NEUROG2: variants seen among roughly 807,000 people sequenced by gnomAD.
The protein encoded by NEUROG2 is neurogenin-2.
Under a neutral mutation model 2.8 loss-of-function variants are expected in NEUROG2, and 1 was observed. The observed-to-expected ratio is 0.36, with a 90% CI of 0.13 to 1.71. The LOEUF is 1.71. NEUROG2 is among the 40% of genes most tolerant of loss of function. The probability of loss-of-function intolerance (pLI) is 0.34; values close to 1 mark genes in which losing one functional copy is unlikely to be tolerated. For synonymous variants in NEUROG2, 211 were observed against 187.7 expected, an observed-to-expected ratio of 1.12 and a Z score of -1.01; for missense variants, 397 against 392.7, an observed-to-expected ratio of 1.01 and a Z score of -0.09.
rs1243772806 is a variant in NEUROG2 at position 112,514,781 on chromosome 4, G to A, written c.695C>T (p.Ser232Phe). Reference sequence around the variant, plus strand: ...GGGCGATAAAGTGCAGCTGTAGGGGGAGGTGGAATTGGAGGACACGGAGGA... The same window carrying A: ...GGGCGATAAAGTGCAGCTGTAGGGGAAGGTGGAATTGGAGGACACGGAGGA... ...PSSSVSSNSTSPYSCTLSPAS... is the reference protein window; with the variant it reads ...PSSSVSSNSTFPYSCTLSPAS... Residue 232 changes from serine (S) to phenylalanine (F), a missense_variant, in exon 2 of 2, where the codon TCC (serine) becomes TTC (phenylalanine). Coordinates refer to ENST00000313341, the MANE Select transcript of NEUROG2 (RefSeq NM_024019.4). The A allele has an allele frequency of 1.3e-6, 2 of 1,550,400 alleles. No individual in the cohort carries two copies. Among genetic ancestry groups the A allele is most frequent in the East Asian group, 4.5e-5 (2 of 44,340 alleles).
Position 112,515,338 on chromosome 4 carries a change from G to GTAGTGTAGAT in NEUROG2, c.137_138insATCTACACTA (p.Ala47SerfsTer15). ...GCTGCCGACGCGCCCCGCCTGACGC[G>GTAGTGTAGAT]CCCGGCTCCTCCTCCTCTTCTTCGT... On this transcript the variant is annotated frameshift_variant, in exon 2 of 2. Transcript: ENST00000313341. LOFTEE classifies it low-confidence loss of function (END_TRUNC). 1 of 1,446,036 alleles carries GTAGTGTAGAT rather than the reference G, an allele frequency of 6.9e-7. No individual in the cohort carries two copies. Among genetic ancestry groups the GTAGTGTAGAT allele is most frequent in the Non-Finnish European group, 9.1e-7 (1 of 1,103,242 alleles). 89.6% of individuals were successfully genotyped at this position (1,446,036 alleles called of 1,614,324 possible).
Position 112,515,179 on chromosome 4 carries a change from G to T in NEUROG2, c.297C>A (p.Gly99=). The change falls in exon 2 of 2, where the codon GGC becomes GGA. Residue 99 remains glycine, a synonymous_variant. Transcript: ENST00000313341. The stretch of plus-strand genomic sequence containing the variant: ...GCTGCACCGTCTCGGCCGTCTTGGC[G>T]CCTCGGGAGACGGCCCGCGCCCGGG... ...RPSRARAVSR[G]AKTAETVQRI... 1 of 1,612,558 alleles carries T rather than the reference G, an allele frequency of 6.2e-7. No individual in the cohort carries two copies.
Position 112,515,334 on chromosome 4 carries a change from A to AT in NEUROG2, c.141_142insA (p.Ser48IlefsTer11). 3 of 1,436,416 alleles carry AT rather than the reference A, an allele frequency of 2.1e-6. No individual in the cohort carries two copies. Among genetic ancestry groups the AT allele is most frequent in the South Asian group, 3.2e-5 (2 of 61,564 alleles). The allele number at this position is 1,436,416 out of a possible 1,614,324, so 89.0% of individuals were successfully genotyped here. ...CCGCGCTGCCGACGCGCCCCGCCTG[A>AT]CGCGCCCGGCTCCTCCTCCTCTTCT... On this transcript the variant is annotated frameshift_variant, in exon 2 of 2. Coordinates refer to ENST00000313341, the MANE Select transcript of NEUROG2 (RefSeq NM_024019.4). LOFTEE classifies it low-confidence loss of function (END_TRUNC).
At chr4:112,515,597 GGA>G in intron 1 of NEUROG2, 121 bp from the exon 2 acceptor site, 2 of 779,798 alleles carry the variant, frequency 2.6e-6, no homozygotes, top group Non-Finnish European at 3.7e-6. Context: ...CGAATGGCGC[GGA>G]GCAGGAAGGC....
rs1736395693 is a variant in NEUROG2 at position 112,514,919 on chromosome 4, A to T, written c.557T>A (p.Phe186Tyr). The T allele has an allele frequency of 6.2e-7, 1 of 1,606,380 alleles. No homozygotes were observed. The highest frequency in any genetic ancestry group is 2.2e-5 in the East Asian group (1 of 44,690). Residue 186 changes from phenylalanine (F) to tyrosine (Y), a missense_variant, in exon 2 of 2, where the codon TTC (phenylalanine) becomes TAC (tyrosine). Phe to Tyr is a conservative substitution (Grantham distance 22). Coordinates refer to ENST00000313341, the MANE Select transcript of NEUROG2 (RefSeq NM_024019.4). ...GGGGGLPGAL[F>Y]SEAVLLSPGG... ...CGGGCTCAGCAACACTGCCTCGGAG[A>T]AGAGCGCCCCCGGCAGGCCCCCGCC...
At chr4:112,515,749 G>A in intron 1 of NEUROG2, 98 bp downstream of exon 1, 1 of 300,006 alleles carries the variant, frequency 3.3e-6, no homozygotes, top group South Asian at 7.1e-5. Flanking sequence ...CGGCCTCCGC[G>A]ACAAAGATTC....
In NEUROG2 at chr4:112,514,592, G is replaced by C; in HGVS notation, c.*65C>G. 1.5e-6 allele frequency: 2 copies of C among 1,340,624 alleles called. No homozygotes were observed. The highest frequency in any genetic ancestry group is 2.0e-6 in the Non-Finnish European group (2 of 1,004,924). The allele number at this position is 1,340,624 out of a possible 1,614,324, so 83.0% of individuals were successfully genotyped here. ...AAAGGAGGGGCAGGGGAAGGGAGGA[G>C]GGCTCGACTGGGGACAGGAAAGGGA... On this transcript the variant is annotated 3_prime_UTR_variant, in exon 2 of 2. Coordinates refer to ENST00000313341, the MANE Select transcript of NEUROG2 (RefSeq NM_024019.4).
In NEUROG2 at chr4:112,514,908, C is replaced by A; in HGVS notation, c.568G>T (p.Val190Leu). Residue 190 changes from valine to leucine, a missense_variant, in exon 2 of 2, where the codon GTG (valine) becomes TTG (leucine). Val to Leu is a conservative substitution (Grantham distance 32). Transcript: ENST00000313341. Reference sequence around the variant, plus strand: ...CTGGCTCCTCCCGGGCTCAGCAACACTGCCTCGGAGAAGAGCGCCCCCGGC... The same window carrying A: ...CTGGCTCCTCCCGGGCTCAGCAACAATGCCTCGGAGAAGAGCGCCCCCGGC... ...GLPGALFSEA[V>L]LLSPGGASAA... The A allele has an allele frequency of 6.2e-7, 1 of 1,605,616 alleles. No individual in the cohort carries two copies.
Position 112,515,267 on chromosome 4 carries a change from C to T in NEUROG2, c.209G>A (p.Gly70Asp), listed in dbSNP as rs754902528. 2 of 1,532,674 alleles carry T rather than the reference C, an allele frequency of 1.3e-6. No homozygotes were observed. The highest frequency in any genetic ancestry group is 1.7e-6 in the Non-Finnish European group (2 of 1,149,414). 94.9% of individuals were successfully genotyped at this position (1,532,674 alleles called of 1,614,324 possible). The change falls in exon 2 of 2, where the codon GGT becomes GAT. Residue 70 changes from glycine to aspartate, a missense_variant. Coordinates refer to ENST00000313341, the MANE Select transcript of NEUROG2 (RefSeq NM_024019.4). ...GQGARGGVAA[G>D]AEGCRPARLL... is the part of the protein sequence containing the mutation. The stretch of plus-strand genomic sequence containing the variant: ...CCGTGCGGGCCGGCAGCCCTCCGCA[C>T]CCGCAGCCACGCCGCCCCGCGCCCC...
In NEUROG2 at chr4:112,515,380, C is replaced by A. The variant is rs756077626; in HGVS notation, c.96G>T (p.Pro32=). The change falls in exon 2 of 2, where the codon CCG becomes CCT. Residue 32 remains proline, a synonymous_variant. Transcript: ENST00000313341. ...CTTCTTCGTCGGCGCTGGATGACAGCGGGGTCAGGGCCGCCAAGGCGGGGG... is the reference window on the plus strand; with the variant it reads ...CTTCTTCGTCGGCGCTGGATGACAGAGGGGTCAGGGCCGCCAAGGCGGGGG... The part of the protein sequence containing the change: ...SASPALAALT[P]LSSSADEEEE... 2.0e-6 allele frequency: 3 copies of A among 1,520,344 alleles called. No homozygotes were observed. Among genetic ancestry groups the A allele is most frequent in the Non-Finnish European group, 2.6e-6 (3 of 1,143,410 alleles). 94.2% of individuals were successfully genotyped at this position (1,520,344 alleles called of 1,614,324 possible).
chr4:112,515,107 G>C lies in NEUROG2; in HGVS notation c.369C>G (p.Asn123Lys). 6.2e-7 allele frequency: 1 copy of C among 1,613,990 alleles called. No homozygotes were observed. The highest frequency in any genetic ancestry group is 8.5e-7 in the Non-Finnish European group (1 of 1,179,922). ...GTGCCGCGTTGAGGTTGTGCATGCG[G>C]TTTCGCTCGCGGTTGTTGGCCTTCA... Reference protein sequence around the residue: ...RRLKANNRERNRMHNLNAALD... With the variant: ...RRLKANNRERKRMHNLNAALD... The change falls in exon 2 of 2, where the codon AAC becomes AAG. Residue 123 changes from asparagine to lysine, a missense_variant. Coordinates refer to ENST00000313341, the MANE Select transcript of NEUROG2 (RefSeq NM_024019.4).
Position 112,515,092 on chromosome 4 carries a change from G to C in NEUROG2, c.384C>G (p.Leu128=). ...CGCGCAGCGCGTCCAGTGCCGCGTT[G>C]AGGTTGTGCATGCGGTTTCGCTCGC... is the stretch of plus-strand genomic sequence containing the variant. ...NNRERNRMHN[L]NAALDALREV... The change falls in exon 2 of 2, where the codon CTC becomes CTG. Residue 128 remains leucine (L), a synonymous_variant. Coordinates refer to ENST00000313341, the MANE Select transcript of NEUROG2 (RefSeq NM_024019.4). 1 of 1,614,022 alleles carries C rather than the reference G, an allele frequency of 6.2e-7. No homozygotes were observed. The highest frequency in any genetic ancestry group is 8.5e-7 in the Non-Finnish European group (1 of 1,179,936).
rs936706323 is a variant in NEUROG2 at position 112,516,033 on chromosome 4, G to C, written c.-188C>G. The C allele has an allele frequency of 6.5e-6, 1 of 154,158 alleles. No homozygotes were observed. Among genetic ancestry groups the C allele is most frequent in the African/African-American group, 2.4e-5 (1 of 41,456 alleles). The allele number at this position is 154,158 out of a possible 1,614,324, so 9.5% of individuals were successfully genotyped here. On this transcript the variant is annotated 5_prime_UTR_variant, in exon 1 of 2. Transcript: ENST00000313341. ...GTTTGCCAAGAGCCCCGGCGGCGGC[G>C]GCGGCGGCCCGCCCGGGTCTCGTGT...
At chr4:112,515,662 C>A in intron 1 of NEUROG2, 185 bp downstream of exon 1, 1 of 428,206 alleles carries the variant, frequency 2.3e-6, no homozygotes, top group Non-Finnish European at 4.0e-6. Context: ...CGCTAGCGCT[C>A]GCTGTGACCC....
In NEUROG2 at chr4:112,514,807, G is replaced by A. The variant is rs1357720357; in HGVS notation, c.669C>T (p.Ser223=). 6.4e-7 allele frequency: 1 copy of A among 1,568,346 alleles called. No individual in the cohort carries two copies. The change falls in exon 2 of 2, where the codon TCC becomes TCT. Residue 223 remains serine, a synonymous_variant. Transcript: ENST00000313341. ...AGGTGGAATTGGAGGACACGGAGGAGGACGGCGCGGGGCTGTTGGTGCAAC... is the reference window on the plus strand; with the variant it reads ...AGGTGGAATTGGAGGACACGGAGGAAGACGGCGCGGGGCTGTTGGTGCAAC... ...TWSCTNSPAP[S]SSVSSNSTSP...
At position 112,515,067 on chromosome 4, in the gene NEUROG2, C is replaced by G. The variant is rs936893535; in HGVS notation, c.409G>C (p.Glu137Gln). 6.8e-6 allele frequency: 11 copies of G among 1,614,022 alleles called. No individual in the cohort carries two copies. The highest frequency in any genetic ancestry group is 9.3e-6 in the Non-Finnish European group (11 of 1,179,924). ...NLNAALDALR[E>Q]VLPTFPEDAK... ...TCCTCGGGGAACGTGGGGAGCACCT[C>G]GCGCAGCGCGTCCAGTGCCGCGTTG... Residue 137 changes from glutamate to glutamine, a missense_variant, in exon 2 of 2, where the codon GAG (glutamate) becomes CAG (glutamine). Glu to Gln is a conservative substitution (Grantham distance 29). Coordinates refer to ENST00000313341, the MANE Select transcript of NEUROG2 (RefSeq NM_024019.4).
Position 112,515,019 on chromosome 4 carries a change from T to A in NEUROG2, c.457A>T (p.Thr153Ser). The A allele has an allele frequency of 6.2e-7, 1 of 1,613,608 alleles. No homozygotes were observed. Among genetic ancestry groups the A allele is most frequent in the Non-Finnish European group, 8.5e-7 (1 of 1,179,856 alleles). Residue 153 changes from threonine (T) to serine (S), a missense_variant, in exon 2 of 2, where the codon ACC (threonine) becomes TCC (serine). Coordinates refer to ENST00000313341, the MANE Select transcript of NEUROG2 (RefSeq NM_024019.4). Reference protein sequence around the residue: ...PEDAKLTKIETLRFAHNYIWA... With the variant: ...PEDAKLTKIESLRFAHNYIWA... ...ATGTAGTTGTGGGCGAAGCGCAGGG[T>A]CTCGATCTTGGTGAGCTTGGCGTCC...
intron 1 of NEUROG2, 82 bp downstream of exon 1, chr4:112,515,765 G>T (rs1025219476): frequency 7.5e-6 from 2 of 266,718 alleles, no homozygotes; most frequent in African/African-American, 4.5e-5. Flanking sequence ...GATTCTGCGC[G>T]GAGCAGAGGG....
chr4:112,514,896 G>A lies in NEUROG2; in HGVS notation c.580C>T (p.Pro194Ser). The change falls in exon 2 of 2, where the codon CCG (proline) becomes TCG (serine). Residue 194 changes from proline to serine, a missense_variant. Coordinates refer to ENST00000313341, the MANE Select transcript of NEUROG2 (RefSeq NM_024019.4). ...CTCAGGGCGGCGCTGGCTCCTCCCG[G>A]GCTCAGCAACACTGCCTCGGAGAAG... ...ALFSEAVLLS[P>S]GGASAALSSS... is the part of the protein sequence containing the mutation. The A allele has an allele frequency of 6.2e-7, 1 of 1,602,656 alleles. No individual in the cohort carries two copies. The highest frequency in any genetic ancestry group is 8.5e-7 in the Non-Finnish European group (1 of 1,176,324).
Sources: gnomAD v4.1 joint callset for allele counts on GRCh38, gnomAD v4.1.1 for gene constraint, MANE v1.5 for transcripts, NCBI Gene and HGNC (gene_info 2026-07-23, HGNC 2026-07-21) for gene names.